RHOBTB1: variants seen among roughly 807,000 people sequenced by gnomAD.
RHOBTB1 encodes Rho related BTB domain containing 1, also known as rho-related BTB domain-containing protein 1.
Under a neutral mutation model 71.6 loss-of-function variants are expected in RHOBTB1, and 40 were observed. The ratio of observed to expected loss-of-function variants is 0.56; its 90% CI spans 0.43 to 0.73. The LOEUF is 0.73. Among genes scored for constraint, RHOBTB1 ranks in the 30% least tolerant of loss-of-function variants. RHOBTB1 has a pLI of 0.00. For missense variants in RHOBTB1, 797 were observed against 894.0 expected (o/e 0.89, Z 1.38); for synonymous variants, 319 against 334.9 (o/e 0.95, Z 0.52).
intron 2 of RHOBTB1, among the ~76,000 whole-genome samples, chr10:60,929,183 T>TG (rs1231741331): frequency 6.6e-6 from 1 of 151,882 alleles, no homozygotes; most frequent in Non-Finnish European, 1.5e-5. Context: ...GAGATTTGGG[T>TG]GGGGACACAG....
intron 2 of RHOBTB1, among the ~76,000 whole-genome samples, chr10:60,954,206 C>T (rs2085509461): frequency 6.6e-6 from 1 of 152,140 alleles, no homozygotes; most frequent in Non-Finnish European, 1.5e-5. Context: ...GGGAGAATTT[C>T]CTTGGGCAAG....
chr10:60,963,164 G>C (rs949083277), intron 2 of RHOBTB1, among the ~76,000 whole-genome samples: 1 of 152,126 alleles, frequency 6.6e-6, no homozygotes, highest in Admixed American at 6.6e-5. Flanking sequence ...TGGCAGGAAT[G>C]TTCTCAAAGC....
chr10:60,957,902 G>A (rs1365552191), intron 2 of RHOBTB1, among the ~76,000 whole-genome samples: 2 of 152,154 alleles, frequency 1.3e-5, no homozygotes, highest in African/African-American at 2.4e-5. Context: ...CTAGAAAGGG[G>A]AGTTCAAGGA....
At chr10:60,886,601 A>T (rs1388185878) in intron 6 of RHOBTB1, among the ~76,000 whole-genome samples, 1 of 151,798 alleles carries the variant, frequency 6.6e-6, no homozygotes, top group African/African-American at 2.4e-5. Context: ...TTTTACGTAT[A>T]TTTTTAATTT....
At chr10:60,912,193 A>ATG (rs199937590) in intron 2 of RHOBTB1, among the ~76,000 whole-genome samples, 12 of 152,020 alleles carry the variant, frequency 7.9e-5, no homozygotes, top group African/African-American at 1.4e-4. Flanking sequence ...ATAAATATAT[A>ATG]TGTGTGTGTG....
chr10:60,977,729 T>C (rs1157065764), intron 2 of RHOBTB1, among the ~76,000 whole-genome samples: 2 of 152,164 alleles, frequency 1.3e-5, no homozygotes, highest in African/African-American at 4.8e-5. Flanking sequence ...GGATGGTTGA[T>C]TTAATACCCT....
At position 60,875,070 on chromosome 10, in the gene RHOBTB1, C is replaced by T. The variant is rs755632540; in HGVS notation, c.1727-28G>A. On this transcript the variant is annotated intron_variant, in intron 8 of 10. Transcript: ENST00000337910. ...GGGGAAGAGAGAGGGGGCAGGAGAA[C>T]ATTAAACCACGCCCTGCGAGCCAGG... The T allele has an allele frequency of 5.1e-6, 8 of 1,569,024 alleles. No individual in the cohort carries two copies. The South Asian group carries it at 6.7e-5, about 13-fold the overall frequency.
chr10:60,891,302 A>G (rs1294785494), intron 5 of RHOBTB1, among the ~76,000 whole-genome samples: 2 of 151,422 alleles, frequency 1.3e-5, no homozygotes, highest in Non-Finnish European at 2.9e-5. Flanking sequence ...GTAAATGTCA[A>G]AATAAGGGAT....
chr10:60,951,936 T>A (rs1230572909), intron 2 of RHOBTB1, among the ~76,000 whole-genome samples: 1 of 152,052 alleles, frequency 6.6e-6, no homozygotes, highest in Non-Finnish European at 1.5e-5. Context: ...CAGGCACCTG[T>A]AATCCCAGTT....
At chr10:60,931,820 G>C (rs376350761) in intron 2 of RHOBTB1, among the ~76,000 whole-genome samples, 1 of 152,072 alleles carries the variant, frequency 6.6e-6, no homozygotes, top group Non-Finnish European at 1.5e-5. Flanking sequence ...ATCAGACACA[G>C]AAATTGAACC....
chr10:60,900,049 G>T (rs1417280031), intron 4 of RHOBTB1, among the ~76,000 whole-genome samples: 2 of 152,146 alleles, frequency 1.3e-5, no homozygotes, highest in Non-Finnish European at 2.9e-5. Flanking sequence ...TGCCTGTGGT[G>T]CCCTCCTGGA....
At chr10:60,926,592 A>G (rs749317948) in intron 2 of RHOBTB1, among the ~76,000 whole-genome samples, 2 of 152,240 alleles carry the variant, frequency 1.3e-5, no homozygotes, top group Non-Finnish European at 2.9e-5. Context: ...AAATCAATAA[A>G]TGTGACACAT....
chr10:60,972,546 G>C (rs960013734), intron 2 of RHOBTB1, among the ~76,000 whole-genome samples: 9 of 152,038 alleles, frequency 5.9e-5, no homozygotes, highest in African/African-American at 2.2e-4. Flanking sequence ...GGCATGGGGG[G>C]CTAGAAGAGG....
At chr10:60,930,631 C>T (rs1394471817) in intron 2 of RHOBTB1, among the ~76,000 whole-genome samples, 2 of 152,154 alleles carry the variant, frequency 1.3e-5, no homozygotes, top group African/African-American at 4.8e-5. Context: ...AGCTGTGAAC[C>T]ATGTAGCTGC....
At chr10:60,985,878 T>A (rs1392771636) in exon 2 of RHOBTB1, 2 of 152,176 alleles carry the variant, frequency 1.3e-5, no homozygotes, top group African/African-American at 4.8e-5. Context: ...TCAATTCCAT[T>A]TTCATAACTT....
chr10:60,921,895 G>A (rs1320147877), intron 2 of RHOBTB1, among the ~76,000 whole-genome samples: 2 of 152,170 alleles, frequency 1.3e-5, no homozygotes, highest in Non-Finnish European at 2.9e-5. Flanking sequence ...TCCCTAACAG[G>A]AAGTGCATCA....
At chr10:60,931,313 T>G (rs1440481492) in intron 2 of RHOBTB1, among the ~76,000 whole-genome samples, 11 of 152,200 alleles carry the variant, frequency 7.2e-5, no homozygotes, top group Non-Finnish European at 1.5e-4. Context: ...CAAAGAAACC[T>G]TGTGCCCACT....
chr10:60,872,599 C>T (rs560796183), intron 9 of RHOBTB1, among the ~76,000 whole-genome samples: 2 of 150,402 alleles, frequency 1.3e-5, no homozygotes, highest in African/African-American at 2.4e-5. Flanking sequence ...GCTAAACAAC[C>T]GTGGCCTCTG....
intron 2 of RHOBTB1, among the ~76,000 whole-genome samples, chr10:60,915,172 A>G (rs2083204788): frequency 6.6e-6 from 1 of 152,232 alleles, no homozygotes; most frequent in Non-Finnish European, 1.5e-5. Context: ...ACATTAAATT[A>G]TGGTAGTAAT....
Sources: allele counts gnomAD v4.1 joint callset (sites outside exome capture counted in the v4.1 genomes callset), GRCh38; gene constraint gnomAD v4.1.1; transcripts MANE v1.5; gene names NCBI Gene and HGNC (gene_info 2026-07-23, HGNC 2026-07-21).